UNC79: variants seen among roughly 807,000 people sequenced by gnomAD.
UNC79 encodes unc-79 subunit of NALCN channel complex.
In UNC79, 37 loss-of-function variants were observed where a neutral mutation model predicts 283.1. The ratio of observed to expected loss-of-function variants is 0.13; its 90% CI spans 0.10 to 0.17. UNC79 has a LOEUF of 0.17. UNC79 is among the 10% of genes least tolerant of loss of function. The probability of loss-of-function intolerance (pLI) is 1.00; values close to 1 mark genes in which losing one functional copy is unlikely to be tolerated. For synonymous variants in UNC79, 1,107 were observed against 1,200.2 expected (o/e 0.92, Z 1.61); for missense variants, 2,272 against 3,211.1 (o/e 0.71, Z 7.07).
At chr14:93,350,684 A>G (rs1195810465) in intron 1 of UNC79, among the ~76,000 whole-genome samples, 1 of 152,194 alleles carries the variant, frequency 6.6e-6, no homozygotes, top group Non-Finnish European at 1.5e-5. Flanking sequence ...TTTTAATTAT[A>G]TAACCAATTT....
chr14:93,679,212 A>G (rs1596333633), intron 41 of UNC79, among the ~76,000 whole-genome samples: 3 of 152,140 alleles, frequency 2.0e-5, no homozygotes, highest in Admixed American at 2.0e-4. Context: ...TGTAATCCCA[A>G]CACTTTGGGA....
At chr14:93,365,326 C>T (rs931368215) in intron 1 of UNC79, among the ~76,000 whole-genome samples, 4 of 138,894 alleles carry the variant, frequency 2.9e-5, no homozygotes, top group Admixed American at 1.6e-4. Context: ...CGGAGGTTGG[C>T]GTGAGCCGAG....
chr14:93,685,741 A>G (rs1285440116), intron 42 of UNC79, among the ~76,000 whole-genome samples: 3 of 152,186 alleles, frequency 2.0e-5, no homozygotes, highest in Non-Finnish European at 4.4e-5. Flanking sequence ...CATGATACCC[A>G]GCCTGATGTG....
intron 5 of UNC79, 150 bp downstream of exon 5, chr14:93,487,905 C>A: frequency 1.5e-6 from 1 of 649,840 alleles, no homozygotes; most frequent in Non-Finnish European, 2.5e-6. Flanking sequence ...ATTTATCTTG[C>A]CTATTGCTAT....
chr14:93,705,632 C>T (rs1251753884), intron 48 of UNC79, among the ~76,000 whole-genome samples: 2 of 152,246 alleles, frequency 1.3e-5, no homozygotes, highest in Non-Finnish European at 2.9e-5. Flanking sequence ...CAGCCCCAGG[C>T]TTTGCCTTGA....
chr14:93,462,468 G>A (rs767805229), intron 1 of UNC79, among the ~76,000 whole-genome samples: 1 of 152,170 alleles, frequency 6.6e-6, no homozygotes, highest in Non-Finnish European at 1.5e-5. Flanking sequence ...AGTGGTTACT[G>A]TTTATGACTG....
At chr14:93,539,168 G>T (rs143162851) in intron 12 of UNC79, among the ~76,000 whole-genome samples, 2,914 of 149,820 alleles carry the variant, frequency 0.019, 90 homozygotes, top group African/African-American at 0.068. Context: ...CTCCCAAAGT[G>T]CTGGGATTAC....
intron 40 of UNC79, among the ~76,000 whole-genome samples, chr14:93,672,428 A>C (rs116122829): frequency 6.6e-6 from 1 of 152,312 alleles, no homozygotes; most frequent in South Asian, 2.1e-4. Context: ...GACAAATATC[A>C]TATGTTCTCA....
At chr14:93,620,967 T>A (rs1212616947) in intron 29 of UNC79, 1 of 518,974 alleles carries the variant, frequency 1.9e-6, no homozygotes, top group Non-Finnish European at 3.8e-6. Flanking sequence ...TCTCAAACTT[T>A]TTTTGCAAGA....
chr14:93,533,532 G>C (rs2060924963), intron 11 of UNC79, among the ~76,000 whole-genome samples: 1 of 152,146 alleles, frequency 6.6e-6, no homozygotes, highest in Middle Eastern at 3.2e-3. Context: ...GCTAAGCTGG[G>C]ATGGCTGGAA....
At chr14:93,692,359 A>G (rs549905755) in intron 46 of UNC79, among the ~76,000 whole-genome samples, 67 of 152,328 alleles carry the variant, frequency 4.4e-4, no homozygotes, top group African/African-American at 1.6e-3. Context: ...AAAAAAGCAA[A>G]CAAGTACAGT....
chr14:93,695,476 G>A (rs1285552789), intron 47 of UNC79, among the ~76,000 whole-genome samples: 1 of 152,204 alleles, frequency 6.6e-6, no homozygotes, highest in African/African-American at 2.4e-5. Context: ...CTGTTGGAGT[G>A]CAGTGGTGCA....
At chr14:93,376,796 C>A (rs2054568840) in intron 1 of UNC79, among the ~76,000 whole-genome samples, 1 of 151,248 alleles carries the variant, frequency 6.6e-6, no homozygotes, top group East Asian at 1.9e-4. Flanking sequence ...GGTTGGAATT[C>A]AGTTTGTTTG....
chr14:93,374,523 C>T (rs955503384), intron 1 of UNC79, among the ~76,000 whole-genome samples: 4 of 152,040 alleles, frequency 2.6e-5, no homozygotes, highest in Admixed American at 6.6e-5. Flanking sequence ...ACCATTGTAG[C>T]GTTCTTTCTT....
chr14:93,469,922 G>A (rs1349969417), intron 2 of UNC79, among the ~76,000 whole-genome samples: 1 of 151,982 alleles, frequency 6.6e-6, no homozygotes, highest in Non-Finnish European at 1.5e-5. Flanking sequence ...AAATAATATG[G>A]TCTAAGCATT....
chr14:93,397,068 T>C (rs948086471), intron 1 of UNC79: 5 of 152,204 alleles, frequency 3.3e-5, no homozygotes, highest in African/African-American at 1.2e-4. Flanking sequence ...TTTTGCTTAG[T>C]CCATTGTTTG....
chr14:93,590,342 A>G (rs1021905960), intron 22 of UNC79, among the ~76,000 whole-genome samples: 9 of 152,058 alleles, frequency 5.9e-5, no homozygotes, highest in Admixed American at 4.6e-4. Context: ...CAGTGGGAGG[A>G]AGAAGCTGGG....
chr14:93,465,404 G>GTA (rs1190081767), intron 1 of UNC79, among the ~76,000 whole-genome samples: 1 of 152,078 alleles, frequency 6.6e-6, no homozygotes, highest in East Asian at 1.9e-4. Context: ...CATGAGTAAG[G>GTA]TATAGTTTCT....
At chr14:93,522,422 C>G (rs2060364471) in intron 7 of UNC79, among the ~76,000 whole-genome samples, 1 of 151,942 alleles carries the variant, frequency 6.6e-6, no homozygotes, top group Admixed American at 6.6e-5. Context: ...CTGGACTCAG[C>G]AGGAAGGAAT....
Sources: allele counts gnomAD v4.1 joint callset (sites outside exome capture counted in the v4.1 genomes callset), GRCh38; gene constraint gnomAD v4.1.1; transcripts MANE v1.5; gene names NCBI Gene and HGNC (gene_info 2026-07-23, HGNC 2026-07-21).